TM9SF3: variants seen among roughly 807,000 people sequenced by gnomAD.
TM9SF3 encodes transmembrane 9 superfamily member 3, also known as SM-11044-binding protein.
Under a neutral mutation model 78.6 loss-of-function variants are expected in TM9SF3, and 14 were observed. That is an observed-to-expected ratio of 0.18 (90% CI 0.12 to 0.28). The LOEUF is 0.28. TM9SF3 is among the 10% of genes least tolerant of loss of function. The pLI is 1.00. For missense variants in TM9SF3, 496 were observed against 721.9 expected (o/e 0.69, Z 3.59); for synonymous variants, 231 against 241.7 (o/e 0.96, Z 0.41).
In TM9SF3 at chr10:96,565,328, A is replaced by G; in HGVS notation, c.397T>C (p.Tyr133His). The change falls in exon 3 of 15, where the codon TAC (tyrosine) becomes CAC (histidine). Residue 133 changes from tyrosine to histidine, a missense_variant. Tyr to His is a moderately conservative substitution (Grantham distance 83). Transcript: ENST00000371142. ...AIKNHYWYQM[Y>H]IDDLPIWGIV... Reference sequence around the variant, plus strand: ...CCCCATATTGGTAAATCATCTATGTACATCTGGTACCAGTAATGATTTTTT... The same window carrying G: ...CCCCATATTGGTAAATCATCTATGTGCATCTGGTACCAGTAATGATTTTTT... 1 of 1,561,282 alleles carries G rather than the reference A, an allele frequency of 6.4e-7. No homozygotes were observed. The highest frequency in any genetic ancestry group is 8.6e-7 in the Non-Finnish European group (1 of 1,164,644).
rs1271256585 is a variant in TM9SF3 at position 96,586,945 on chromosome 10, C to T, written c.-110G>A. The T allele has an allele frequency of 4.5e-6, 4 of 897,992 alleles. No individual in the cohort carries two copies. The highest frequency in any genetic ancestry group is 5.6e-6 in the Non-Finnish European group (4 of 712,942). The allele number at this position is 897,992 out of a possible 1,614,324, so 55.6% of individuals were successfully genotyped here. The stretch of plus-strand genomic sequence containing the variant: ...CCGATTCGCATCCACGGGGCGCGGA[C>T]AGACGCACGGGGCCCGGCCCAGCCG... On this transcript the variant is annotated 5_prime_UTR_variant, in exon 1 of 15. Coordinates refer to ENST00000371142, the MANE Select transcript of TM9SF3 (RefSeq NM_020123.4).
chr10:96,528,067 C>T lies in TM9SF3; in HGVS notation c.1505G>A (p.Cys502Tyr), dbSNP rs112249832. 6.2e-7 allele frequency: 1 copy of T among 1,612,558 alleles called. No individual in the cohort carries two copies. Among genetic ancestry groups the T allele is most frequent in the Non-Finnish European group, 8.5e-7 (1 of 1,178,928 alleles). Residue 502 changes from cysteine (C) to tyrosine (Y), a missense_variant, in exon 12 of 15, where the codon TGC (cysteine) becomes TAC (tyrosine). Coordinates refer to ENST00000371142, the MANE Select transcript of TM9SF3 (RefSeq NM_020123.4). ...TTCTGCATTTAGTAGAAAATATGTGCACACAATAGTCACACAGACAGTCAC... is the reference window on the plus strand; with the variant it reads ...TTCTGCATTTAGTAGAAAATATGTGTACACAATAGTCACACAGACAGTCAC... ...CIVTVCVTIV[C>Y]TYFLLNAEDY...
intron 3 of TM9SF3, among the ~76,000 whole-genome samples, chr10:96,563,756 A>T (rs1030910881): frequency 2.6e-5 from 4 of 152,198 alleles, no homozygotes; most frequent in African/African-American, 9.7e-5. Context: ...AATTATATCA[A>T]GTAAGAAGCT....
rs183411479 is a variant in TM9SF3, at chr10:96,532,105, G to C, written c.1325+946C>G. On this transcript the variant is annotated intron_variant, in intron 10 of 14. Transcript: ENST00000371142. ...GGCACCTGTAGTCCCAGTTACTCGG[G>C]AGGCTGAGGCGGAAGAATGGCATGA... 7.9e-3 allele frequency among the ~76,000 whole-genome samples: 1,205 copies of C among 152,050 alleles called. 19 individuals carry two copies. Among genetic ancestry groups the C allele is most frequent in the African/African-American group, 0.028 (1,154 of 41,464 alleles).
intron 2 of TM9SF3, among the ~76,000 whole-genome samples, chr10:96,573,621 A>C (rs928637956): frequency 3.3e-5 from 5 of 152,208 alleles, no homozygotes; most frequent in Non-Finnish European, 7.3e-5. Flanking sequence ...TTCTTTACCC[A>C]TGAAAACCAT....
chr10:96,556,775 C>G (rs1398582336), intron 5 of TM9SF3, among the ~76,000 whole-genome samples: 2 of 152,174 alleles, frequency 1.3e-5, no homozygotes, highest in Non-Finnish European at 2.9e-5. Flanking sequence ...TCCAATTCCT[C>G]TTTTCCCATT....
At chr10:96,576,181 A>G (rs1848494734) in intron 2 of TM9SF3, among the ~76,000 whole-genome samples, 1 of 152,204 alleles carries the variant, frequency 6.6e-6, no homozygotes, top group Non-Finnish European at 1.5e-5. Context: ...TTAAATATCC[A>G]TGAAGGTCTT....
chr10:96,521,384 C>CA lies in TM9SF3; in HGVS notation c.*878dup, dbSNP rs1268777920. The CA allele has an allele frequency of 6.6e-6, 1 of 152,634 alleles. No individual in the cohort carries two copies. The highest frequency in any genetic ancestry group is 1.5e-5 in the Non-Finnish European group (1 of 68,086). 9.5% of individuals were successfully genotyped at this position (152,634 alleles called of 1,614,324 possible). On this transcript the variant is annotated 3_prime_UTR_variant, in exon 15 of 15. Transcript: ENST00000371142. ...TTAATAATTTCTTATGTAAAACCTTCATTCAAACCCAAAAGATTTAAGACT... is the reference window on the plus strand; with the variant it reads ...TTAATAATTTCTTATGTAAAACCTTCAATTCAAACCCAAAAGATTTAAGACT...
At chr10:96,539,763 A>AGAATT (rs1848001027) in intron 9 of TM9SF3, among the ~76,000 whole-genome samples, 1 of 152,214 alleles carries the variant, frequency 6.6e-6, no homozygotes, top group African/African-American at 2.4e-5. Context: ...AACCATAACC[A>AGAATT]CTGCTCTCAG....
At chr10:96,522,527 G>C (rs977387143) in intron 14 of TM9SF3, among the ~76,000 whole-genome samples, 197 bp from the exon 15 acceptor site, 2 of 151,768 alleles carry the variant, frequency 1.3e-5, no homozygotes, top group Admixed American at 6.6e-5. Context: ...CACTGAGTCT[G>C]ACCATCATAC....
At chr10:96,544,878 A>G (rs1848078599) in intron 8 of TM9SF3, among the ~76,000 whole-genome samples, 1 of 152,030 alleles carries the variant, frequency 6.6e-6, no homozygotes, top group Non-Finnish European at 1.5e-5. Flanking sequence ...TGAGTTAGAC[A>G]GCCTCTAAGT....
At chr10:96,565,112 T>G (rs1848353810) in intron 3 of TM9SF3, among the ~76,000 whole-genome samples, 192 bp downstream of exon 3, 1 of 152,150 alleles carries the variant, frequency 6.6e-6, no homozygotes, top group South Asian at 2.1e-4. Flanking sequence ...GCAAGTTTCA[T>G]GTAAGGCATG....
intron 10 of TM9SF3, among the ~76,000 whole-genome samples, chr10:96,531,684 T>G (rs1056193295): frequency 1.3e-5 from 2 of 152,138 alleles, no homozygotes; most frequent in South Asian, 4.2e-4. Flanking sequence ...GTATTCAGAT[T>G]TAGGTTCCCA....
intron 5 of TM9SF3, among the ~76,000 whole-genome samples, chr10:96,556,949 A>G (rs1848240792): frequency 6.6e-6 from 1 of 152,014 alleles, no homozygotes; most frequent in South Asian, 2.1e-4. Context: ...ATCCTCCATG[A>G]TACACTTTCT....
intron 9 of TM9SF3, among the ~76,000 whole-genome samples, chr10:96,543,083 T>A (rs910191725): frequency 5.3e-5 from 8 of 152,226 alleles, no homozygotes; most frequent in Non-Finnish European, 8.8e-5. Context: ...GCAACTTGCA[T>A]TGGCATATAT....
At chr10:96,559,472 AG>A (rs1013016918) in intron 5 of TM9SF3, among the ~76,000 whole-genome samples, 186 bp downstream of exon 5, 8 of 152,176 alleles carry the variant, frequency 5.3e-5, no homozygotes, top group Non-Finnish European at 1.2e-4. Flanking sequence ...CAAAGAAGGA[AG>A]TTTTTGATTG....
At chr10:96,568,143 A>G (rs1350648331) in intron 2 of TM9SF3, among the ~76,000 whole-genome samples, 1 of 152,236 alleles carries the variant, frequency 6.6e-6, no homozygotes, top group Non-Finnish European at 1.5e-5. Flanking sequence ...GTAGACAAAT[A>G]CAAACATCAC....
intron 8 of TM9SF3, among the ~76,000 whole-genome samples, chr10:96,546,099 C>CT (rs1202372189): frequency 6.6e-6 from 1 of 152,202 alleles, no homozygotes; most frequent in Non-Finnish European, 1.5e-5. Context: ...CAAACTAGAT[C>CT]TACAGCATTA....
intron 1 of TM9SF3, among the ~76,000 whole-genome samples, chr10:96,584,563 T>C (rs935288934): frequency 1.3e-5 from 2 of 152,210 alleles, no homozygotes; most frequent in African/African-American, 4.8e-5. Flanking sequence ...ATCCCAGCAC[T>C]TTGTGGGGCC....
Sources: gnomAD v4.1 joint callset for allele counts (sites outside exome capture counted in the v4.1 genomes callset) on GRCh38, gnomAD v4.1.1 for gene constraint, MANE v1.5 for transcripts, NCBI Gene and HGNC (gene_info 2026-07-23, HGNC 2026-07-21) for gene names.